Variants in STAG1 observed in about 807,000 individuals in gnomAD.
STAG1 encodes cohesin subunit SA-1.
Under a neutral mutation model 170.9 loss-of-function variants are expected in STAG1, and 26 were observed. The observed-to-expected ratio is 0.15, with a 90% CI of 0.11 to 0.21. The LOEUF is 0.21. Ranked by LOEUF, STAG1 falls within the 10% of genes least tolerant of loss-of-function variation. The pLI, the probability that STAG1 is intolerant of heterozygous loss-of-function variation, is 1.00. For missense variants in STAG1, 964 were observed against 1,509.5 expected (o/e 0.64, Z 5.99); for synonymous variants, 514 against 497.7 (o/e 1.03, Z -0.44).
chr3:136,649,187 T>C (rs890058030), intron 1 of STAG1, among the ~76,000 whole-genome samples: 8 of 152,016 alleles, frequency 5.3e-5, no homozygotes, highest in Non-Finnish European at 1.0e-4. Context: ...ATTGAAAGGG[T>C]TGTTAATTGA....
chr3:136,644,729 CTTTTA>C (rs1045865860), intron 1 of STAG1, among the ~76,000 whole-genome samples: 1 of 151,312 alleles, frequency 6.6e-6, no homozygotes, highest in Non-Finnish European at 1.5e-5. Flanking sequence ...ATTTTTTCTG[CTTTTA>C]TTTTTTGAGA....
At chr3:136,736,357 T>C in intron 1 of STAG1, 2 of 709,562 alleles carry the variant, frequency 2.8e-6, no homozygotes, top group Admixed American at 2.5e-5. Flanking sequence ...CTGATCGATA[T>C]TAAATTGTAT....
At chr3:136,658,173 G>A (rs1468864386) in intron 1 of STAG1, among the ~76,000 whole-genome samples, 3 of 149,330 alleles carry the variant, frequency 2.0e-5, no homozygotes, top group Non-Finnish European at 4.4e-5. Flanking sequence ...CTAGGTGACA[G>A]AGCCAGGTCC....
chr3:136,612,805 T>G (rs1202222870), intron 3 of STAG1, among the ~76,000 whole-genome samples: 1 of 152,262 alleles, frequency 6.6e-6, no homozygotes, highest in Non-Finnish European at 1.5e-5. Flanking sequence ...ATAATGGGCA[T>G]CTGGGTCACC....
intron 12 of STAG1, among the ~76,000 whole-genome samples, chr3:136,468,962 C>A (rs371892363): frequency 5.9e-5 from 9 of 152,056 alleles, no homozygotes; most frequent in Non-Finnish European, 1.0e-4. Context: ...ACTCTCAATA[C>A]ATTAGGTATT....
chr3:136,623,285 T>C (rs1283823758), intron 2 of STAG1, 37 bp from the exon 3 acceptor site: 4 of 1,578,000 alleles, frequency 2.5e-6, no homozygotes, highest in Non-Finnish European at 3.5e-6. Context: ...AACAAATTAA[T>C]AAGTATAATG....
At chr3:136,524,168 C>T (rs1358468486) in intron 6 of STAG1, among the ~76,000 whole-genome samples, 1 of 152,148 alleles carries the variant, frequency 6.6e-6, no homozygotes, top group Non-Finnish European at 1.5e-5. Flanking sequence ...GGCATTCAAT[C>T]TATAAATTAC....
intron 1 of STAG1, among the ~76,000 whole-genome samples, chr3:136,642,775 G>A (rs562253068): frequency 1.3e-5 from 2 of 152,306 alleles, no homozygotes; most frequent in South Asian, 4.1e-4. Flanking sequence ...AGTTCTGGAA[G>A]CTAGAAGACC....
intron 1 of STAG1, among the ~76,000 whole-genome samples, chr3:136,667,267 G>T (rs1464565069): frequency 6.6e-6 from 1 of 152,088 alleles, no homozygotes; most frequent in Admixed American, 6.6e-5. Flanking sequence ...ACTATCTAAA[G>T]TTGGATGTGG....
chr3:136,619,186 T>C (rs1214874612), intron 3 of STAG1, among the ~76,000 whole-genome samples: 1 of 151,592 alleles, frequency 6.6e-6, no homozygotes, highest in Non-Finnish European at 1.5e-5. Flanking sequence ...TATTTCAAAA[T>C]GAAAAATTTT....
At chr3:136,473,915 G>A (rs2089683637) in intron 10 of STAG1, among the ~76,000 whole-genome samples, 1 of 152,088 alleles carries the variant, frequency 6.6e-6, no homozygotes, top group African/African-American at 2.4e-5. Context: ...ACGTCATCCA[G>A]AGGCACAAAG....
chr3:136,633,515 C>T (rs1178363122), intron 1 of STAG1, among the ~76,000 whole-genome samples: 1 of 151,880 alleles, frequency 6.6e-6, no homozygotes, highest in African/African-American at 2.4e-5. Context: ...CCCTGGCCAT[C>T]ATGGTGAAAC....
chr3:136,656,138 A>C (rs2107860396), intron 1 of STAG1, among the ~76,000 whole-genome samples: 1 of 152,040 alleles, frequency 6.6e-6, no homozygotes, highest in South Asian at 2.1e-4. Context: ...CATTATGCTA[A>C]GTGAAATTAG....
chr3:136,736,791 G>A, intron 1 of STAG1: 10 of 1,590,496 alleles, frequency 6.3e-6, no homozygotes, highest in South Asian at 4.4e-5. Flanking sequence ...AACAGCTCAG[G>A]ATCATCCTCC....
chr3:136,476,831 C>T (rs1163321351), intron 10 of STAG1, among the ~76,000 whole-genome samples: 1 of 152,016 alleles, frequency 6.6e-6, no homozygotes. Context: ...TGAGGGATTC[C>T]TTTTAAAGTC....
At chr3:136,470,712 T>C (rs1400413961) in intron 12 of STAG1, among the ~76,000 whole-genome samples, 4 of 152,114 alleles carry the variant, frequency 2.6e-5, no homozygotes, top group African/African-American at 2.4e-5. Context: ...CTATTCACAA[T>C]AGCAAAGACT....
chr3:136,441,030 CTTTTT>C (rs68155305), intron 15 of STAG1, among the ~76,000 whole-genome samples: 1 of 81,958 alleles, frequency 1.2e-5, no homozygotes. Flanking sequence ...ACCATCTTTC[CTTTTT>C]TTTTTTTTTT....
intron 1 of STAG1, among the ~76,000 whole-genome samples, chr3:136,640,829 C>A (rs1940766725): frequency 6.6e-6 from 1 of 151,540 alleles, no homozygotes; most frequent in African/African-American, 2.4e-5. Flanking sequence ...CCCGCCCCAA[C>A]ATGCCCGGCT....
intron 21 of STAG1, among the ~76,000 whole-genome samples, chr3:136,416,934 C>G (rs1039792972): frequency 1.3e-5 from 2 of 150,450 alleles, no homozygotes; most frequent in Non-Finnish European, 2.9e-5. Context: ...CAACCTCCGT[C>G]TCCCAGGTTC....
Sources: gnomAD v4.1 joint callset for allele counts (sites outside exome capture counted in the v4.1 genomes callset) on GRCh38, gnomAD v4.1.1 for gene constraint, MANE v1.5 for transcripts, NCBI Gene and HGNC (gene_info 2026-07-23, HGNC 2026-07-21) for gene names.